AOPEP: variants seen among roughly 807,000 people sequenced by gnomAD.
The protein encoded by AOPEP is aminopeptidase O.
In AOPEP, 77 loss-of-function variants were observed where a neutral mutation model predicts 98.1. That is an observed-to-expected ratio of 0.78 (90% CI 0.65 to 0.95). The LOEUF (loss-of-function observed/expected upper bound fraction) is 0.95. Among genes scored for constraint, AOPEP ranks in the 40% least tolerant of loss-of-function variants. AOPEP has a pLI of 0.00. For synonymous variants in AOPEP, 346 were observed against 365.3 expected, an observed-to-expected ratio of 0.95 and a Z score of 0.60; for missense variants, 1,024 against 1,024.7, an observed-to-expected ratio of 1.00 and a Z score of 0.01.
At chr9:95,102,917 C>T in the AOPEP span, among the ~76,000 whole-genome samples, 2 of 152,242 alleles carry the variant, frequency 1.3e-5, no homozygotes, top group African/African-American at 4.8e-5. Flanking sequence ...TGCAACGAGC[C>T]CGCCAGGGTC....
the AOPEP span, chr9:95,135,302 A>G: frequency 6.7e-7 from 1 of 1,484,378 alleles, no homozygotes; most frequent in Non-Finnish European, 9.4e-7. Flanking sequence ...GATTCCAAGC[A>G]TCTCCTTCAA....
At chr9:94,809,302 T>G (rs909318601) in intron 5 of AOPEP, among the ~76,000 whole-genome samples, 4 of 152,232 alleles carry the variant, frequency 2.6e-5, no homozygotes, top group Admixed American at 2.6e-4. Context: ...CTTATGATCC[T>G]GATTTAATAT....
At chr9:94,812,739 A>G (rs1850880330) in intron 5 of AOPEP, among the ~76,000 whole-genome samples, 1 of 152,100 alleles carries the variant, frequency 6.6e-6, no homozygotes. Context: ...TATTTGGTCA[A>G]AGCTGGTTGA....
intron 10 of AOPEP, 111 bp downstream of exon 10, chr9:94,967,912 T>C (rs1423872649): frequency 1.1e-6 from 1 of 904,596 alleles, no homozygotes; most frequent in Admixed American, 1.8e-5. Context: ...TTCTGTCTAA[T>C]AGAGGCAAGG....
chr9:95,010,204 A>G (rs997835324), intron 13 of AOPEP, among the ~76,000 whole-genome samples: 5 of 152,210 alleles, frequency 3.3e-5, no homozygotes, highest in Admixed American at 6.5e-5. Flanking sequence ...CAAAATGATA[A>G]AGGTAGGTAC....
intron 4 of AOPEP, among the ~76,000 whole-genome samples, chr9:94,800,330 A>C (rs931212691): frequency 6.6e-6 from 1 of 152,112 alleles, no homozygotes; most frequent in Non-Finnish European, 1.5e-5. Context: ...TTGGATCTTT[A>C]ATTTGTGTGT....
At chr9:94,934,315 C>CTTTTTTTTTTTTTT (rs974551445) in intron 7 of AOPEP, among the ~76,000 whole-genome samples, 1 of 116,742 alleles carries the variant, frequency 8.6e-6, no homozygotes, top group African/African-American at 4.0e-5. Context: ...CTTCTCCCAT[C>CTTTTTTTTTTTTTT]TTTTTTTTTT....
rs976191132 is a variant in AOPEP at position 94,760,406 on chromosome 9, G to A, written c.623G>A (p.Arg208His). The A allele has an allele frequency of 6.2e-6, 10 of 1,613,934 alleles. No individual in the cohort carries two copies. Among genetic ancestry groups the A allele is most frequent in the South Asian group, 2.2e-5 (2 of 91,052 alleles). ...RWREQLDYYA[R>H]CSQAPGCGEL... ...AGGGAGCAGTTAGACTATTACGCTCGCTGCAGCCAGGCTCCTGGCTGTGGG... is the reference window on the plus strand; with the variant it reads ...AGGGAGCAGTTAGACTATTACGCTCACTGCAGCCAGGCTCCTGGCTGTGGG... The change falls in exon 2 of 17, where the codon CGC (arginine) becomes CAC (histidine). Residue 208 changes from arginine to histidine, a missense_variant. Arg to His is a conservative substitution (Grantham distance 29). This residue lies in a region of AOPEP where 440 missense variants were observed against 433.8 expected (regional missense o/e 1.01). Coordinates refer to ENST00000375315, the MANE Select transcript of AOPEP (RefSeq NM_001193329.3).
At chr9:94,839,449 T>A (rs1216743169) in intron 5 of AOPEP, among the ~76,000 whole-genome samples, 1 of 152,116 alleles carries the variant, frequency 6.6e-6, no homozygotes, top group Non-Finnish European at 1.5e-5. Flanking sequence ...GGTCTTGATC[T>A]CTTGACCTCA....
rs1363163972 is a variant in AOPEP, at chr9:95,000,921, T to C, written c.1978-4237T>C. Among the ~76,000 whole-genome samples, 8 of 152,320 alleles carry C rather than the reference T, an allele frequency of 5.3e-5. No homozygotes were observed. In the East Asian group the frequency reaches 1.4e-3, roughly 26 times the overall value. On this transcript the variant is annotated intron_variant, in intron 11 of 16. Coordinates refer to ENST00000375315, the MANE Select transcript of AOPEP (RefSeq NM_001193329.3). Reference sequence around the variant, plus strand: ...CTGGAACTCTCGACCTTGTTTGGTATTGAAAGATCTTTCGGTTTCTTTTAG... The same window carrying C: ...CTGGAACTCTCGACCTTGTTTGGTACTGAAAGATCTTTCGGTTTCTTTTAG...
intron 13 of AOPEP, among the ~76,000 whole-genome samples, chr9:95,025,104 A>G (rs1402877961): frequency 1.3e-5 from 2 of 152,332 alleles, no homozygotes; most frequent in East Asian, 3.9e-4. Flanking sequence ...TCTTTATGCT[A>G]GAACCATTCT....
At chr9:95,101,423 C>A in the AOPEP span, 1 of 501,316 alleles carries the variant, frequency 2.0e-6, no homozygotes, top group Non-Finnish European at 3.6e-6. Flanking sequence ...CAGGCCTTTG[C>A]TTTAGTAATT....
At chr9:95,004,075 T>C in intron 11 of AOPEP, 1 of 349,210 alleles carries the variant, frequency 2.9e-6, no homozygotes, top group South Asian at 2.2e-5. Flanking sequence ...GAAAGAAGGA[T>C]GGAGTAGCAA....
chr9:94,738,935 A>G (rs1464088588), intron 1 of AOPEP, among the ~76,000 whole-genome samples: 1 of 152,248 alleles, frequency 6.6e-6, no homozygotes, highest in African/African-American at 2.4e-5. Flanking sequence ...CCCATGAATA[A>G]TAAAACTACA....
At chr9:95,076,747 T>C (rs892777976) in intron 14 of AOPEP, among the ~76,000 whole-genome samples, 2 of 152,204 alleles carry the variant, frequency 1.3e-5, no homozygotes, top group Non-Finnish European at 2.9e-5. Flanking sequence ...GGCATAGGGA[T>C]GAGGGGAAGA....
At chr9:94,943,617 GA>G (rs780569018) in intron 7 of AOPEP, among the ~76,000 whole-genome samples, 4 of 125,108 alleles carry the variant, frequency 3.2e-5, no homozygotes, top group Admixed American at 8.2e-5. Context: ...AAAGAAAAAA[GA>G]AAAAAAAAGG....
At chr9:94,916,247 C>T (rs1446452017) in intron 5 of AOPEP, among the ~76,000 whole-genome samples, 1 of 152,030 alleles carries the variant, frequency 6.6e-6, no homozygotes, top group Non-Finnish European at 1.5e-5. Flanking sequence ...GAGGTGGGGG[C>T]CGTGGGGAGG....
intron 13 of AOPEP, among the ~76,000 whole-genome samples, chr9:95,020,868 G>A (rs2063392780): frequency 7.3e-6 from 1 of 137,698 alleles, no homozygotes; most frequent in South Asian, 2.2e-4. Context: ...CAGTTAAGCC[G>A]AGATTGCGCC....
chr9:94,769,218 A>G (rs935307863), intron 2 of AOPEP, among the ~76,000 whole-genome samples: 2 of 152,228 alleles, frequency 1.3e-5, no homozygotes, highest in Non-Finnish European at 2.9e-5. Context: ...GTAGAGCTTT[A>G]TTCAGAGGAT....
Sources: allele counts gnomAD v4.1 joint callset (sites outside exome capture counted in the v4.1 genomes callset), GRCh38; gene constraint gnomAD v4.1.1; regional missense constraint gnomAD v4.1.1; transcripts MANE v1.5; gene names NCBI Gene and HGNC (gene_info 2026-07-23, HGNC 2026-07-21).